XPO1: variants seen among roughly 807,000 people sequenced by gnomAD.
The protein encoded by XPO1 is exportin-1.
Under a neutral mutation model 133.3 loss-of-function variants are expected in XPO1, and 5 were observed. The observed-to-expected ratio is 0.04, with a 90% confidence interval of 0.02 to 0.08. XPO1 has a LOEUF of 0.08. XPO1 is among the 10% of genes least tolerant of loss of function. The pLI is 1.00. For missense variants in XPO1, 506 were observed against 1,267.5 expected (o/e 0.40, Z 9.12); for synonymous variants, 419 against 408.2 (o/e 1.03, Z -0.32).
chr2:61,483,012 A>G lies in XPO1; in HGVS notation c.2757T>C (p.Phe919=), dbSNP rs773387252. The part of the protein sequence containing the change: ...AAAQSFYQTY[F]CDILQHIFSV... ...AAAAGATATGCTGGAGAATATCACA[A>G]AAATAAGTTTGATAAAAACTCTGAG... The change falls in exon 22 of 25, where the codon TTT becomes TTC. Residue 919 remains phenylalanine (F), a synonymous_variant. Coordinates refer to ENST00000401558, the MANE Select transcript of XPO1 (RefSeq NM_003400.4). 17 of 1,613,762 alleles carry G rather than the reference A, an allele frequency of 1.1e-5. No individual in the cohort carries two copies. In the South Asian group the frequency reaches 1.9e-4, roughly 18 times the overall value.
intron 4 of XPO1, among the ~76,000 whole-genome samples, chr2:61,503,716 GC>G (rs1697659542): frequency 6.6e-6 from 1 of 152,222 alleles, no homozygotes; most frequent in East Asian, 1.9e-4. Flanking sequence ...GAGCCACTGC[GC>G]CCAGCACACC....
At chr2:61,486,467 T>G (rs111939009) in intron 19 of XPO1, among the ~76,000 whole-genome samples, 4 of 145,808 alleles carry the variant, frequency 2.7e-5, no homozygotes, top group South Asian at 4.4e-4. Context: ...TACTGTCTTT[T>G]TATTTTTGAG....
rs1558620507 is a variant in XPO1, at chr2:61,477,857, T to G, written c.*963A>C. 2 of 194,766 alleles carry G rather than the reference T, an allele frequency of 1.0e-5. No individual in the cohort carries two copies. Among genetic ancestry groups the G allele is most frequent in the Non-Finnish European group, 2.1e-5 (2 of 93,428 alleles). The allele number at this position is 194,766 out of a possible 1,614,324, so 12.1% of individuals were successfully genotyped here. A position where few individuals can be genotyped will look rare whatever the true frequency, so the allele number is the denominator to read the frequency against. Reference sequence around the variant, plus strand: ...TGTAAATCAAGGGGTCCAACTTCATTTAAAATGTTACTTGATGCTTAAACA... The same window carrying G: ...TGTAAATCAAGGGGTCCAACTTCATGTAAAATGTTACTTGATGCTTAAACA... On this transcript the variant is annotated 3_prime_UTR_variant, in exon 25 of 25. Transcript: ENST00000401558.
At chr2:61,535,324 C>T (rs928382983) in intron 1 of XPO1, among the ~76,000 whole-genome samples, 5 of 152,132 alleles carry the variant, frequency 3.3e-5, no homozygotes, top group Non-Finnish European at 7.3e-5. Flanking sequence ...ATTTTGTATA[C>T]AATTATAGAG....
chr2:61,498,268 T>G (rs1030499378), intron 9 of XPO1, among the ~76,000 whole-genome samples: 1 of 152,186 alleles, frequency 6.6e-6, no homozygotes, highest in Non-Finnish European at 1.5e-5. Context: ...CTGTTTTGTA[T>G]TTTTAGTAGA....
intron 19 of XPO1, among the ~76,000 whole-genome samples, chr2:61,486,521 A>AG (rs1696703508): frequency 1.3e-5 from 2 of 152,118 alleles, no homozygotes; most frequent in Non-Finnish European, 2.9e-5. Context: ...CAGTGGTGCC[A>AG]TCTTGGCTCA....
intron 2 of XPO1, among the ~76,000 whole-genome samples, chr2:61,527,027 T>A (rs1396176322): frequency 6.6e-6 from 1 of 152,072 alleles, no homozygotes; most frequent in Non-Finnish European, 1.5e-5. Flanking sequence ...TCTTTAAAGG[T>A]GCAAATATTT....
At chr2:61,495,398 T>G (rs529411733) in intron 11 of XPO1, 57 bp downstream of exon 11, 3 of 1,416,938 alleles carry the variant, frequency 2.1e-6, no homozygotes, top group Admixed American at 4.9e-5. Context: ...AAGGCACTTT[T>G]AAGAGTTATT....
Position 61,485,893 on chromosome 2 carries a change from C to A in XPO1, c.2383G>T (p.Ala795Ser). The stretch of plus-strand genomic sequence containing the variant: ...GTACTAAGCACTTCTGGTTCTCTAG[C>A]AGCTGGGACATTTCTCTGATAATCA... ...LIDYQRNVPA[A>S]REPEVLSTMA... Residue 795 changes from alanine (A) to serine (S), a missense_variant, in exon 20 of 25, where the codon GCT becomes TCT. Ala to Ser is a moderately conservative substitution (Grantham distance 99). Transcript: ENST00000401558. 1 of 1,614,062 alleles carries A rather than the reference C, an allele frequency of 6.2e-7. No homozygotes were observed. The highest frequency in any genetic ancestry group is 8.5e-7 in the Non-Finnish European group (1 of 1,179,982).
intron 2 of XPO1, among the ~76,000 whole-genome samples, chr2:61,528,363 G>A (rs908252960): frequency 5.9e-5 from 9 of 151,972 alleles, no homozygotes; most frequent in East Asian, 1.9e-4. Context: ...GGCTGGGCAC[G>A]GTGGCTTACG....
chr2:61,527,292 AC>A (rs1405310782), intron 2 of XPO1, among the ~76,000 whole-genome samples: 1 of 147,920 alleles, frequency 6.8e-6, no homozygotes, highest in South Asian at 2.2e-4. Context: ...AGTCTAGGTG[AC>A]AGGCAATGTA....
At chr2:61,505,114 G>A (rs562326502) in intron 4 of XPO1, among the ~76,000 whole-genome samples, 2 of 152,256 alleles carry the variant, frequency 1.3e-5, no homozygotes, top group East Asian at 1.9e-4. Flanking sequence ...GGACTCAAGC[G>A]ATCCTCCTGC....
chr2:61,526,348 A>C, intron 3 of XPO1, 72 bp downstream of exon 3: 1 of 1,528,896 alleles, frequency 6.5e-7, no homozygotes, highest in Non-Finnish European at 8.7e-7. Context: ...AATACTAAAA[A>C]TGAGATACCT....
In XPO1 at chr2:61,532,253, G is replaced by A. The variant is rs982931512; in HGVS notation, c.126+1519C>T. 2.7e-4 allele frequency among the ~76,000 whole-genome samples: 41 copies of A among 151,922 alleles called. No homozygotes were observed. The South Asian group carries it at 5.6e-3, about 21-fold the overall frequency. On this transcript the variant is annotated intron_variant, in intron 2 of 24. Coordinates refer to ENST00000401558, the MANE Select transcript of XPO1 (RefSeq NM_003400.4). ...CGCCATTCTCCTGCCTCAGCCTCCC[G>A]AGTAGCTGGGACTACAGGCGCCCGC...
rs1216362602 is a variant in XPO1, at chr2:61,495,560, A to G, written c.942T>C (p.Asp314=). Residue 314 remains aspartate (D), a synonymous_variant, in exon 11 of 25, where the codon GAT becomes GAC. Transcript: ENST00000401558. ...IRLAYSNGKD[D]EQNFIQNLSL... ...TGAGATTTTGAATGAAGTTCTGTTC[A>G]TCATCTTTTCCATTTGAGTACGCAA... The G allele has an allele frequency of 6.3e-7, 1 of 1,589,582 alleles. No homozygotes were observed. The highest frequency in any genetic ancestry group is 1.7e-5 in the Admixed American group (1 of 58,962).
In XPO1 at chr2:61,482,495, C is replaced by T; in HGVS notation, c.2857G>A (p.Val953Ile). 6.2e-7 allele frequency: 1 copy of T among 1,612,458 alleles called. No individual in the cohort carries two copies. Among genetic ancestry groups the T allele is most frequent in the South Asian group, 1.1e-5 (1 of 90,790 alleles). Residue 953 changes from valine to isoleucine, a missense_variant, in exon 23 of 25, where the codon GTT (valine) becomes ATT (isoleucine). By Grantham distance (29) the Val-to-Ile change is conservative. Transcript: ENST00000401558. ...GATGTACTTATTTTTCCTTCTTCAA[C>T]CAAATTAAACATATATGCAAGAATT... ...ASILAYMFNLVEEGKISTSLN... is the reference protein window; with the variant it reads ...ASILAYMFNLIEEGKISTSLN...
chr2:61,525,938 A>T (rs1698889529), intron 3 of XPO1: 2 of 1,053,078 alleles, frequency 1.9e-6, no homozygotes, highest in Non-Finnish European at 2.3e-6. Flanking sequence ...TTCTGTTCAA[A>T]CTTAAAAAAG....
intron 17 of XPO1, among the ~76,000 whole-genome samples, chr2:61,489,018 C>T (rs1398392181): frequency 1.3e-5 from 2 of 151,808 alleles, no homozygotes; most frequent in African/African-American, 4.8e-5. Flanking sequence ...AGGAGAACGG[C>T]GTGAACGCTA....
intron 24 of XPO1, among the ~76,000 whole-genome samples, chr2:61,480,113 C>T (rs567453728): frequency 6.6e-6 from 1 of 150,590 alleles, no homozygotes; most frequent in Non-Finnish European, 1.5e-5. Flanking sequence ...GATCTGTCTG[C>T]CTCGGCCTCC....
Sources: allele counts gnomAD v4.1 joint callset (sites outside exome capture counted in the v4.1 genomes callset), GRCh38; gene constraint gnomAD v4.1.1; transcripts MANE v1.5; gene names NCBI Gene and HGNC (gene_info 2026-07-23, HGNC 2026-07-21).